The following CPLANE1 variants were observed in gnomAD, a reference collection of about 807,000 sequenced individuals.
CPLANE1 encodes the protein ciliogenesis and planar polarity effector complex subunit 1, also known as ciliogenesis and planar polarity effector 1.
In CPLANE1, 263 loss-of-function variants were observed where a neutral mutation model predicts 362.5. The observed-to-expected ratio is 0.73, with a 90% confidence interval of 0.66 to 0.80. The LOEUF is 0.80. Among genes scored for constraint, CPLANE1 ranks in the 30% least tolerant of loss-of-function variants. The pLI, the probability that CPLANE1 is intolerant of heterozygous loss-of-function variation, is 0.00. For missense variants in CPLANE1, 3,461 were observed against 3,793.4 expected (o/e 0.91, Z 2.30); for synonymous variants, 1,212 against 1,302.6 (o/e 0.93, Z 1.50).
Position 37,227,018 on chromosome 5 carries a change from G to C in CPLANE1, c.1577C>G (p.Pro526Arg). ...EGRHFPDNLC[P>R]FWNKRDDVLC... The stretch of plus-strand genomic sequence containing the variant: ...CACATCATCTCTTTTGTTCCAAAAA[G>C]GACATAAGTTGTCTGGAAAGTGTCT... Residue 526 changes from proline to arginine, a missense_variant, in exon 12 of 53, where the codon CCT (proline) becomes CGT (arginine). Physicochemically the swap from Pro to Arg is moderately radical, Grantham distance 103. Around this residue, in one of 2 missense-constraint regions of CPLANE1, gnomAD observed 3,380 missense variants for 3,666.1 expected, o/e 0.92. Coordinates refer to ENST00000651892, the MANE Select transcript of CPLANE1 (RefSeq NM_001384732.1). The C allele has an allele frequency of 6.5e-7, 1 of 1,549,160 alleles. No homozygotes were observed. Among genetic ancestry groups the C allele is most frequent in the African/African-American group, 1.4e-5 (1 of 73,060 alleles).
intron 16 of CPLANE1, among the ~76,000 whole-genome samples, chr5:37,206,865 G>A (rs913768006): frequency 6.6e-6 from 1 of 151,702 alleles, no homozygotes; most frequent in African/African-American, 2.4e-5. Flanking sequence ...AGAAATACAT[G>A]TTTATTTCTC....
Position 37,164,461 on chromosome 5 carries a change from C to A in CPLANE1, c.7534-134G>T, listed in dbSNP as rs1777717617. ...TTCCATCATTCTAGACATAAGTATT[C>A]TATCAAATTATTTACTCTATCAAAG... On this transcript the variant is annotated intron_variant, in intron 36 of 52. Coordinates refer to ENST00000651892, the MANE Select transcript of CPLANE1 (RefSeq NM_001384732.1). 4.2e-5 allele frequency: 26 copies of A among 620,594 alleles called. No individual in the cohort carries two copies. In the South Asian group the frequency reaches 5.6e-4, roughly 13 times the overall value. The allele number at this position is 620,594 out of a possible 1,614,324, so 38.4% of individuals were successfully genotyped here.
chr5:37,217,589 A>T (rs1193595624), intron 15 of CPLANE1, among the ~76,000 whole-genome samples: 3 of 151,392 alleles, frequency 2.0e-5, no homozygotes, highest in African/African-American at 7.3e-5. Context: ...CCTGGGCGAC[A>T]GAGCGAGACA....
downstream of CPLANE1, among the ~76,000 whole-genome samples, chr5:37,105,680 T>C (rs1159708935): frequency 1.3e-5 from 2 of 152,252 alleles, no homozygotes; most frequent in South Asian, 2.1e-4. Flanking sequence ...TACATCAAGC[T>C]GAAAAGCTTC....
intron 12 of CPLANE1, 89 bp from the exon 13 acceptor site, chr5:37,224,829 G>A (rs1260564307): frequency 1.3e-6 from 1 of 766,530 alleles, no homozygotes. Context: ...TTTTTTGCCT[G>A]TATTCTTCAT....
Position 37,221,427 on chromosome 5 carries a change from G to C in CPLANE1, c.2643C>G (p.Leu881=), listed in dbSNP as rs773097425. ...RYYLSLLYCH[L]YSYNLNDAQG... is the part of the protein sequence containing the mutation. ...GAGCATCATTTAAATTATAGCTATAGAGGTGGCAGTATAAGAGAGAAAGAT... is the reference window on the plus strand; with the variant it reads ...GAGCATCATTTAAATTATAGCTATACAGGTGGCAGTATAAGAGAGAAAGAT... Residue 881 remains leucine, a synonymous_variant, in exon 15 of 53, where the codon CTC becomes CTG. Transcript: ENST00000651892. 2 of 1,536,162 alleles carry C rather than the reference G, an allele frequency of 1.3e-6. No individual in the cohort carries two copies. The highest frequency in any genetic ancestry group is 1.2e-5 in the South Asian group (1 of 80,690).
In CPLANE1 at chr5:37,139,330, A is replaced by G. The variant is rs1346842972; in HGVS notation, c.8663+10T>C. ...AAAGAAAATTGTGAATTAACTCTTAAGATATTTACCTCTCACACAATTCAT... is the reference window on the plus strand; with the variant it reads ...AAAGAAAATTGTGAATTAACTCTTAGGATATTTACCTCTCACACAATTCAT... On this transcript the variant is annotated intron_variant, in intron 45 of 52. Transcript: ENST00000651892. The G allele has an allele frequency of 1.5e-6, 2 of 1,337,828 alleles. No homozygotes were observed. Among genetic ancestry groups the G allele is most frequent in the Non-Finnish European group, 1.0e-6 (1 of 978,352 alleles). The allele number at this position is 1,337,828 out of a possible 1,614,324, so 82.9% of individuals were successfully genotyped here.
intron 31 of CPLANE1, among the ~76,000 whole-genome samples, 196 bp downstream of exon 31, chr5:37,175,713 G>A (rs1780984493): frequency 6.6e-6 from 1 of 152,186 alleles, no homozygotes; most frequent in Non-Finnish European, 1.5e-5. Flanking sequence ...ACAATCGCTA[G>A]TGGAAACTCA....
In CPLANE1 at chr5:37,244,533, T is replaced by C. The variant is rs1345935478; in HGVS notation, c.412A>G (p.Ile138Val). The C allele has an allele frequency of 2.6e-6, 4 of 1,551,696 alleles. No individual in the cohort carries two copies. Among genetic ancestry groups the C allele is most frequent in the Non-Finnish European group, 3.5e-6 (4 of 1,147,044 alleles). ...AATTCCAAATATTCCCAAAGAAATA[T>C]GCATCCAGAAGGTGTTATGAGCACA... ...RIVLITPSGC[I>V]FLWEYLELKN... is the part of the protein sequence containing the mutation. Residue 138 changes from isoleucine (I) to valine (V), a missense_variant, in exon 5 of 53, where the codon ATA (isoleucine) becomes GTA (valine). Ile to Val is a conservative substitution (Grantham distance 29, BLOSUM62 3). This residue lies in a region of CPLANE1 where 3,380 missense variants were observed against 3,666.1 expected (regional missense o/e 0.92). Coordinates refer to ENST00000651892, the MANE Select transcript of CPLANE1 (RefSeq NM_001384732.1).
chr5:37,213,206 C>A (rs1215035847), intron 16 of CPLANE1, among the ~76,000 whole-genome samples: 1 of 151,818 alleles, frequency 6.6e-6, no homozygotes, highest in African/African-American at 2.4e-5. Flanking sequence ...GAAACTCAGT[C>A]TCAAAAAAAA....
At chr5:37,239,227 T>C (rs1799727616) in intron 7 of CPLANE1, among the ~76,000 whole-genome samples, 1 of 152,216 alleles carries the variant, frequency 6.6e-6, no homozygotes, top group East Asian at 1.9e-4. Flanking sequence ...TTATGGGATC[T>C]ACTTTAAAGA....
At chr5:37,128,915 A>G (rs1308121269) in intron 46 of CPLANE1, among the ~76,000 whole-genome samples, 1 of 151,820 alleles carries the variant, frequency 6.6e-6, no homozygotes, top group Non-Finnish European at 1.5e-5. Context: ...CAATCCTAAA[A>G]TTCATATGGA....
intron 43 of CPLANE1, among the ~76,000 whole-genome samples, chr5:37,146,459 G>A (rs1054252067): frequency 6.6e-6 from 1 of 152,210 alleles, no homozygotes; most frequent in Admixed American, 6.5e-5. Flanking sequence ...TTACAGGTGT[G>A]AGCCACCACG....
At position 37,209,383 on chromosome 5, in the gene CPLANE1, T is replaced by A. The variant is rs2150181514; in HGVS notation, c.2921-2958A>T. 8.7e-7 allele frequency: 1 copy of A among 1,146,328 alleles called. No individual in the cohort carries two copies. Among genetic ancestry groups the A allele is most frequent in the Middle Eastern group, 2.0e-4 (1 of 4,966 alleles). The allele number at this position is 1,146,328 out of a possible 1,614,324, so 71.0% of individuals were successfully genotyped here. On this transcript the variant is annotated intron_variant, in intron 16 of 52. Coordinates refer to ENST00000651892, the MANE Select transcript of CPLANE1 (RefSeq NM_001384732.1). This position sits in a 1 kb window ranked among gnomAD's most constrained non-coding sequence, Gnocchi z 4.6. ...CGGCTGATGATGGCTCAGTCCAACA[T>A]GCTCCCCGTGGCTGATGTGTTGAGT...
At chr5:37,133,784 C>G (rs1766709428) in intron 46 of CPLANE1, among the ~76,000 whole-genome samples, 1 of 152,062 alleles carries the variant, frequency 6.6e-6, no homozygotes. Flanking sequence ...TTACCTGATT[C>G]CTCTGGCTAG....
In CPLANE1 at chr5:37,183,632, G is replaced by A; in HGVS notation, c.4549C>T (p.Gln1517Ter). The A allele has an allele frequency of 1.2e-6, 2 of 1,611,356 alleles. No individual in the cohort carries two copies. The highest frequency in any genetic ancestry group is 1.7e-6 in the Non-Finnish European group (2 of 1,179,232). ...KPTDKRKMCN[Q>*]KENPTKKEDH... ...TCTTTCTTTGTAGGATTTTCTTTCTGATTACACATTTTCCTTTTATCAGTT... is the reference window on the plus strand; with the variant it reads ...TCTTTCTTTGTAGGATTTTCTTTCTAATTACACATTTTCCTTTTATCAGTT... The change falls in exon 26 of 53, where the codon CAG becomes TAG. Residue 1517 changes from glutamine to a stop codon, truncating the protein, a stop_gained. Transcript: ENST00000651892. LOFTEE classifies it high-confidence loss of function.
rs1738869554 is a variant in CPLANE1, at chr5:37,244,620, C to A, written c.338-13G>T. 2.0e-6 allele frequency: 3 copies of A among 1,475,934 alleles called. No homozygotes were observed. Among genetic ancestry groups the A allele is most frequent in the Admixed American group, 2.3e-5 (1 of 42,836 alleles). 91.4% of individuals were successfully genotyped at this position (1,475,934 alleles called of 1,614,324 possible). On this transcript the variant is annotated splice_polypyrimidine_tract_variant and intron_variant, in intron 4 of 52. Transcript: ENST00000651892. ...CTCAAAGAGCTTGCTAAAAAAGTAA[C>A]AAAAAAAGTAATTAAGCCTCTGAAG...
At chr5:37,128,368 G>GT (rs1176913974) in intron 46 of CPLANE1, among the ~76,000 whole-genome samples, 32 of 152,286 alleles carry the variant, frequency 2.1e-4, no homozygotes, top group Non-Finnish European at 4.0e-4. Context: ...AACTACTGAA[G>GT]TAAGTCTTCT....
the CPLANE1 span, among the ~76,000 whole-genome samples, chr5:37,097,213 C>CA: frequency 1.2e-4 from 18 of 151,484 alleles, no homozygotes; most frequent in South Asian, 8.3e-4. Context: ...ACAAAACAAA[C>CA]AAAAAAAATA....
Sources: gnomAD v4.1 joint callset for allele counts (sites outside exome capture counted in the v4.1 genomes callset) on GRCh38, gnomAD v4.1.1 for gene constraint, gnomAD v4.1.1 regional missense constraint, Gnocchi (gnomAD v3.1) non-coding constraint, MANE v1.5 for transcripts, NCBI Gene and HGNC (gene_info 2026-07-23, HGNC 2026-07-21) for gene names.